The following NBEAL1 variants were observed in gnomAD, a reference collection of about 807,000 sequenced individuals.
The protein encoded by NBEAL1 is neurobeachin-like protein 1.
A neutral mutation model predicts 351.3 loss-of-function variants in NBEAL1; 273 were observed. The ratio of observed to expected loss-of-function variants is 0.78; its 90% CI spans 0.70 to 0.86. NBEAL1 has a LOEUF of 0.86. Among genes scored for constraint, NBEAL1 ranks in the 40% least tolerant of loss-of-function variants. The pLI is 0.00. For synonymous variants in NBEAL1, 1,050 were observed against 1,086.4 expected, an observed-to-expected ratio of 0.97 and a Z score of 0.66; for missense variants, 2,961 against 3,201.3, an observed-to-expected ratio of 0.92 and a Z score of 1.81.
intron 10 of NBEAL1, among the ~76,000 whole-genome samples, chr2:203,096,523 G>T (rs1418191767): frequency 6.6e-6 from 1 of 152,076 alleles, no homozygotes; most frequent in Non-Finnish European, 1.5e-5. Flanking sequence ...CAAGTTGAAG[G>T]CCTTTTGGGA....
rs1165130917 is a variant in NBEAL1 at position 203,217,404 on chromosome 2, T to G, written c.*50T>G. On this transcript the variant is annotated 3_prime_UTR_variant, in exon 56 of 56. Coordinates refer to ENST00000683969, the MANE Select transcript of NBEAL1 (RefSeq NM_001378026.1). ...ATTACTGAAACCTGATTTATTGCTT[T>G]GTCACTTTAACCACATCTCTCAACT... 3.3e-6 allele frequency: 5 copies of G among 1,493,602 alleles called. No homozygotes were observed. The South Asian group carries it at 6.9e-5, about 21-fold the overall frequency. 92.5% of individuals were successfully genotyped at this position (1,493,602 alleles called of 1,614,324 possible). A position where few individuals can be genotyped will look rare whatever the true frequency, so the allele number is the denominator to read the frequency against.
rs1371934918 is a variant in NBEAL1 at position 203,157,718 on chromosome 2, T to G, written c.5607T>G (p.Pro1869=). 5 of 1,598,308 alleles carry G rather than the reference T, an allele frequency of 3.1e-6. No individual in the cohort carries two copies. The highest frequency in any genetic ancestry group is 4.3e-6 in the Non-Finnish European group (5 of 1,173,932). The change falls in exon 36 of 56, where the codon CCT becomes CCG. Residue 1869 remains proline, a synonymous_variant. Coordinates refer to ENST00000683969, the MANE Select transcript of NBEAL1 (RefSeq NM_001378026.1). ...RDNLGIQHSQ[P]SSDTLLLEVV... Reference sequence around the variant, plus strand: ...AAACAGGTATCCAACACTCACAGCCTTCCAGTGATACATTGCTTTTGGAAG... The same window carrying G: ...AAACAGGTATCCAACACTCACAGCCGTCCAGTGATACATTGCTTTTGGAAG...
intron 18 of NBEAL1, among the ~76,000 whole-genome samples, chr2:203,117,846 C>CTTT (rs78709491): frequency 7.2e-6 from 1 of 139,248 alleles, no homozygotes; most frequent in Non-Finnish European, 1.6e-5. Context: ...CCATGCTGAG[C>CTTT]TTTTTTTTTT....
In NBEAL1 at chr2:203,133,104, T is replaced by G; in HGVS notation, c.3771T>G (p.Ser1257=). The G allele has an allele frequency of 6.6e-7, 1 of 1,519,214 alleles. No individual in the cohort carries two copies. The highest frequency in any genetic ancestry group is 8.9e-7 in the Non-Finnish European group (1 of 1,123,032). The allele number at this position is 1,519,214 out of a possible 1,614,324, so 94.1% of individuals were successfully genotyped here. The part of the protein sequence containing the change: ...FKDLLSVVYI[S]HRAHINVRVA... ...ATCTACTATCTGTGGTATATATATC[T>G]CACAGAGCACATATAAATGTTAGAG... Residue 1257 remains serine (S), a synonymous_variant, in exon 27 of 56, where the codon TCT becomes TCG. Coordinates refer to ENST00000683969, the MANE Select transcript of NBEAL1 (RefSeq NM_001378026.1).
chr2:203,085,625 T>G (rs1418080535), intron 10 of NBEAL1: 2 of 152,192 alleles, frequency 1.3e-5, no homozygotes, highest in Admixed American at 6.6e-5. Flanking sequence ...GGGTGTTTAT[T>G]TCCATTCTTC....
intron 3 of NBEAL1, among the ~76,000 whole-genome samples, chr2:203,048,336 C>T (rs554328300): frequency 2.1e-5 from 3 of 145,662 alleles, no homozygotes; most frequent in East Asian, 2.0e-4. Context: ...GAGCTGAGAT[C>T]GCGCCACTGC....
chr2:203,094,537 A>G (rs2062137396), intron 10 of NBEAL1, among the ~76,000 whole-genome samples: 1 of 152,230 alleles, frequency 6.6e-6, no homozygotes, highest in African/African-American at 2.4e-5. Context: ...AATCAGATGG[A>G]CAACCTTAAG....
intron 17 of NBEAL1, among the ~76,000 whole-genome samples, chr2:203,115,497 G>A (rs879783380): frequency 6.6e-5 from 10 of 151,982 alleles, no homozygotes; most frequent in Admixed American, 4.6e-4. Context: ...GTGCAGTGGC[G>A]CAATCTCAGA....
chr2:203,197,477 GC>G (rs1231089001), intron 48 of NBEAL1, 86 bp downstream of exon 48: 1 of 974,730 alleles, frequency 1.0e-6, no homozygotes, highest in African/African-American at 1.6e-5. Context: ...TTTTTTAAAA[GC>G]CACTTTTTGG....
chr2:203,028,928 A>G (rs1311088393), intron 2 of NBEAL1, among the ~76,000 whole-genome samples: 1 of 152,016 alleles, frequency 6.6e-6, no homozygotes, highest in Non-Finnish European at 1.5e-5. Flanking sequence ...CTTCCCTACC[A>G]TCTATATCCT....
At chr2:203,037,378 G>T (rs1026672249) in intron 2 of NBEAL1, among the ~76,000 whole-genome samples, 1 of 148,976 alleles carries the variant, frequency 6.7e-6, no homozygotes. Context: ...CAAAGGAAAA[G>T]AATTGAGCAT....
chr2:203,121,139 T>C (rs1353194073), intron 18 of NBEAL1, among the ~76,000 whole-genome samples: 1 of 152,206 alleles, frequency 6.6e-6, no homozygotes, highest in Non-Finnish European at 1.5e-5. Context: ...CAGAATTGTC[T>C]GGCAACAACA....
At chr2:203,071,312 C>T (rs1158688780) in intron 7 of NBEAL1, among the ~76,000 whole-genome samples, 1 of 152,124 alleles carries the variant, frequency 6.6e-6, no homozygotes, top group Non-Finnish European at 1.5e-5. Flanking sequence ...CAGATAGTCA[C>T]CTTCTTGCTG....
chr2:203,178,437 G>A (rs148113280), intron 42 of NBEAL1, among the ~76,000 whole-genome samples: 15 of 152,074 alleles, frequency 9.9e-5, no homozygotes, highest in East Asian at 3.8e-4. Flanking sequence ...AAAGTGCTGG[G>A]ATTACAGGCG....
At chr2:203,183,157 T>A (rs2064782064) in intron 43 of NBEAL1, 122 bp from the exon 44 acceptor site, 1 of 533,740 alleles carries the variant, frequency 1.9e-6, no homozygotes, top group African/African-American at 1.9e-5. Context: ...TGTACTCCAA[T>A]AGATAAGAAT....
At position 203,127,812 on chromosome 2, in the gene NBEAL1, G is replaced by C. The variant is rs1238198058; in HGVS notation, c.3280G>C (p.Asp1094His). 4 of 1,518,504 alleles carry C rather than the reference G, an allele frequency of 2.6e-6. No homozygotes were observed. Among genetic ancestry groups the C allele is most frequent in the Non-Finnish European group, 3.6e-6 (4 of 1,116,530 alleles). 94.1% of individuals were successfully genotyped at this position (1,518,504 alleles called of 1,614,324 possible). A position where few individuals can be genotyped will look rare whatever the true frequency, so the allele number is the denominator to read the frequency against. Residue 1094 changes from aspartate to histidine, a missense_variant, in exon 24 of 56, where the codon GAT becomes CAT. Transcript: ENST00000683969. ...NGCKYNELSL[D>H]DIRTIRTSLY... ...TTGTAAATATAATGAACTATCTCTA[G>C]ATGATATTCGAACAATAAGGACTTC...
At chr2:203,074,024 A>G (rs529236470) in intron 7 of NBEAL1, among the ~76,000 whole-genome samples, 1 of 152,346 alleles carries the variant, frequency 6.6e-6, no homozygotes, top group Admixed American at 6.5e-5. Flanking sequence ...GAGAGCTACT[A>G]CATAACATTG....
rs113103235 is a variant in NBEAL1, at chr2:203,176,645, T to A, written c.6464+1358T>A. ...TACTCAGGAGACTGAGGCATGAGAG[T>A]CGCTTGAACATGGGAGGCGGAGGTT... On this transcript the variant is annotated intron_variant, in intron 42 of 55. Coordinates refer to ENST00000683969, the MANE Select transcript of NBEAL1 (RefSeq NM_001378026.1). Among the ~76,000 whole-genome samples, 707 of 150,184 alleles carry A rather than the reference T, an allele frequency of 4.7e-3. 6 individuals carry two copies. Among genetic ancestry groups the A allele is most frequent in the African/African-American group, 0.017 (679 of 40,760 alleles).
At chr2:203,140,380 AT>A (rs1380741692) in intron 31 of NBEAL1, among the ~76,000 whole-genome samples, 1 of 152,012 alleles carries the variant, frequency 6.6e-6, no homozygotes, top group African/African-American at 2.4e-5. Flanking sequence ...GAAAATAACT[AT>A]TAGCATTTTA....
Sources: allele counts gnomAD v4.1 joint callset (sites outside exome capture counted in the v4.1 genomes callset), GRCh38; gene constraint gnomAD v4.1.1; transcripts MANE v1.5; gene names NCBI Gene and HGNC (gene_info 2026-07-23, HGNC 2026-07-21).